Variants in BMPR1B observed in about 807,000 individuals in gnomAD.
The protein encoded by BMPR1B is bone morphogenetic protein receptor type-1B.
Under a neutral mutation model 59.1 loss-of-function variants are expected in BMPR1B, and 12 were observed. That is an observed-to-expected ratio of 0.20 (90% CI 0.13 to 0.33). The LOEUF is 0.33. BMPR1B is among the 10% of genes least tolerant of loss of function. BMPR1B has a pLI of 1.00. For missense variants in BMPR1B, 550 were observed against 610.9 expected, an observed-to-expected ratio of 0.90 and a Z score of 1.05; for synonymous variants, 237 against 207.3, an observed-to-expected ratio of 1.14 and a Z score of -1.23.
intron 1 of BMPR1B, among the ~76,000 whole-genome samples, chr4:94,795,586 C>T (rs1271470213): frequency 2.0e-5 from 3 of 152,188 alleles, no homozygotes; most frequent in African/African-American, 7.2e-5. Flanking sequence ...GCCTCAGCCT[C>T]CTGAGTGGCT....
Position 95,100,071 on chromosome 4 carries a change from C to T in BMPR1B, c.-17-4337C>T, listed in dbSNP as rs570937920. Among the ~76,000 whole-genome samples the T allele has an allele frequency of 6.0e-4, 92 of 152,292 alleles. 3 individuals carry two copies. The highest frequency in any genetic ancestry group is 2.1e-3 in the African/African-American group (89 of 41,586). ...TTTGACCTGCCTTCAATGAGGCCTG[C>T]TTGCTCCTGAAGTCCTATGCAATGT... On this transcript the variant is annotated intron_variant, in intron 3 of 12. Coordinates refer to ENST00000515059, the MANE Select transcript of BMPR1B (RefSeq NM_001203.3).
intron 1 of BMPR1B, among the ~76,000 whole-genome samples, chr4:94,862,148 G>GTT (rs11372980): frequency 2.8e-4 from 42 of 149,416 alleles, no homozygotes; most frequent in African/African-American, 1.0e-3. Flanking sequence ...AATTATTACT[G>GTT]TTTTTTTTTG....
chr4:94,993,661 C>T (rs1301098095), intron 2 of BMPR1B, among the ~76,000 whole-genome samples: 1 of 149,410 alleles, frequency 6.7e-6, no homozygotes, highest in East Asian at 2.0e-4. Flanking sequence ...CTTGGGAGGC[C>T]TAGGTAGGAG....
intron 2 of BMPR1B, among the ~76,000 whole-genome samples, chr4:94,963,118 C>T (rs1730432828): frequency 6.6e-6 from 1 of 152,004 alleles, no homozygotes; most frequent in Non-Finnish European, 1.5e-5. Flanking sequence ...ATTTGTATAC[C>T]TTCTTTGGAG....
chr4:94,984,284 A>AT (rs1721266947), intron 2 of BMPR1B, among the ~76,000 whole-genome samples: 1 of 152,166 alleles, frequency 6.6e-6, no homozygotes, highest in African/African-American at 2.4e-5. Context: ...AGATAGATGC[A>AT]TTTTCCAGTA....
Position 95,053,570 on chromosome 4 carries a change from A to G in BMPR1B, c.-17-50838A>G, listed in dbSNP as rs376002875. Among the ~76,000 whole-genome samples the G allele has an allele frequency of 3.9e-5, 6 of 152,144 alleles. No individual in the cohort carries two copies. In the East Asian group the frequency reaches 1.2e-3, roughly 29 times the overall value. Reference sequence around the variant, plus strand: ...GCACTTAGAATAGTGTCTGGCACATAATATTACCTGAAAGTTTGCTGTTGT... The same window carrying G: ...GCACTTAGAATAGTGTCTGGCACATGATATTACCTGAAAGTTTGCTGTTGT... On this transcript the variant is annotated intron_variant, in intron 3 of 12. Transcript: ENST00000515059.
Position 94,890,975 on chromosome 4 carries a change from G to A in BMPR1B, c.-113+15075G>A, listed in dbSNP as rs1727369883. ...TTGCATTTTTTTTAGTTCAGCATGT[G>A]CCCCTAAAACTTAATTTATTTTAAA... is the stretch of plus-strand genomic sequence containing the variant. On this transcript the variant is annotated intron_variant, in intron 2 of 12. Coordinates refer to ENST00000515059, the MANE Select transcript of BMPR1B (RefSeq NM_001203.3). Among the ~76,000 whole-genome samples, 4 of 152,148 alleles carry A rather than the reference G, an allele frequency of 2.6e-5. No homozygotes were observed. The South Asian group carries it at 8.3e-4, about 32-fold the overall frequency.
At chr4:95,032,762 T>C (rs1463353547) in intron 3 of BMPR1B, among the ~76,000 whole-genome samples, 1 of 152,180 alleles carries the variant, frequency 6.6e-6, no homozygotes, top group African/African-American at 2.4e-5. Context: ...CATTTATCTT[T>C]TCATCCATTG....
chr4:94,849,226 C>T (rs1386888829), intron 1 of BMPR1B, among the ~76,000 whole-genome samples: 1 of 151,842 alleles, frequency 6.6e-6, no homozygotes, highest in Non-Finnish European at 1.5e-5. Context: ...GTAGGGAAAT[C>T]AGGAGTGCAT....
intron 2 of BMPR1B, among the ~76,000 whole-genome samples, chr4:94,967,801 T>A (rs1331797986): frequency 6.6e-6 from 1 of 152,144 alleles, no homozygotes; most frequent in African/African-American, 2.4e-5. Flanking sequence ...ATAACTTTGA[T>A]TTACAAGTGT....
chr4:94,776,102 A>AAG (rs1156543399), intron 1 of BMPR1B, among the ~76,000 whole-genome samples: 1 of 151,680 alleles, frequency 6.6e-6, no homozygotes, highest in Non-Finnish European at 1.5e-5. Flanking sequence ...AAAAAGAAAA[A>AAG]AAAAAAAAAG....
At chr4:94,918,282 A>G (rs566978055) in intron 2 of BMPR1B, among the ~76,000 whole-genome samples, 2 of 152,318 alleles carry the variant, frequency 1.3e-5, no homozygotes, top group South Asian at 4.1e-4. Flanking sequence ...ACAAGTATAC[A>G]TACATCACAC....
chr4:94,840,815 T>A (rs1434997278), intron 1 of BMPR1B, among the ~76,000 whole-genome samples: 1 of 148,808 alleles, frequency 6.7e-6, no homozygotes, highest in African/African-American at 2.5e-5. Context: ...AGGAACTGCG[T>A]TCCTTTGGAG....
At position 94,842,789 on chromosome 4, in the gene BMPR1B, G is replaced by A. The variant is rs1230854511; in HGVS notation, c.-182-33042G>A. Among the ~76,000 whole-genome samples the A allele has an allele frequency of 2.0e-5, 3 of 152,042 alleles. No individual in the cohort carries two copies. In the East Asian group the frequency reaches 5.8e-4, roughly 29 times the overall value. ...CAGGTTTCCTCTGTGATAATTATAG[G>A]ATGAAAAATAGCCAAGAGAAAACAA... On this transcript the variant is annotated intron_variant, in intron 1 of 12. Transcript: ENST00000515059.
rs866494500 is a variant in BMPR1B at position 95,101,917 on chromosome 4, G to C, written c.-17-2491G>C. Among the ~76,000 whole-genome samples, 3 of 151,996 alleles carry C rather than the reference G, an allele frequency of 2.0e-5. No individual in the cohort carries two copies. The South Asian group carries it at 6.2e-4, about 32-fold the overall frequency. On this transcript the variant is annotated intron_variant, in intron 3 of 12. Coordinates refer to ENST00000515059, the MANE Select transcript of BMPR1B (RefSeq NM_001203.3). ...GTGTCTCCTCCCTTGATCTCATATT[G>C]TAGGCTCATTTTCTTAGCCCCTTTT...
chr4:94,774,224 A>G lies in BMPR1B; in HGVS notation c.-183+16156A>G, dbSNP rs552549756. ...TATTTATCAAGCTAACTAAAATACA[A>G]TTGAGAGGACAGATAATCAAAGCCC... On this transcript the variant is annotated intron_variant, in intron 1 of 12. Coordinates refer to ENST00000515059, the MANE Select transcript of BMPR1B (RefSeq NM_001203.3). Among the ~76,000 whole-genome samples the G allele has an allele frequency of 5.3e-5, 8 of 152,230 alleles. No homozygotes were observed. The East Asian group carries it at 5.8e-4, about 11-fold the overall frequency.
intron 1 of BMPR1B, among the ~76,000 whole-genome samples, chr4:94,841,197 A>AG (rs1396014750): frequency 1.0e-4 from 15 of 149,484 alleles, no homozygotes; most frequent in Non-Finnish European, 1.6e-4. Flanking sequence ...AAGTCTGCAG[A>AG]GGTTACTGCT....
chr4:94,832,072 A>G (rs573755404), intron 1 of BMPR1B, among the ~76,000 whole-genome samples: 10 of 149,558 alleles, frequency 6.7e-5, no homozygotes, highest in Non-Finnish European at 1.5e-4. Flanking sequence ...TAATAATAAT[A>G]AAGTGCACAA....
intron 3 of BMPR1B, among the ~76,000 whole-genome samples, chr4:95,012,806 A>G (rs1168042400): frequency 6.6e-6 from 1 of 152,150 alleles, no homozygotes; most frequent in African/African-American, 2.4e-5. Flanking sequence ...CAGAATTACA[A>G]GTATTTACAC....
Sources: allele counts gnomAD v4.1 joint callset (sites outside exome capture counted in the v4.1 genomes callset), GRCh38; gene constraint gnomAD v4.1.1; transcripts MANE v1.5; gene names NCBI Gene and HGNC (gene_info 2026-07-23, HGNC 2026-07-21).